Variants in ARL13A observed in about 807,000 individuals in gnomAD.
The protein encoded by ARL13A is ADP-ribosylation factor-like protein 13A.
Under a neutral mutation model 19.1 loss-of-function variants are expected in ARL13A, and 16 were observed. The ratio of observed to expected loss-of-function variants is 0.84; its 90% CI spans 0.57 to 1.27. The LOEUF (loss-of-function observed/expected upper bound fraction) is 1.27. Ranked by LOEUF, ARL13A falls within the 50% of genes most tolerant of loss-of-function variation. The pLI, the probability that ARL13A is intolerant of heterozygous loss-of-function variation, is 0.00. For missense variants in ARL13A, 153 were observed against 186.4 expected (o/e 0.82, Z 1.04); for synonymous variants, 69 against 71.3 (o/e 0.97, Z 0.17).
chrX:100,985,776 A>T lies in ARL13A; in HGVS notation c.240A>T (p.Glu80Asp), dbSNP rs774107351. 3.1e-5 allele frequency: 37 copies of T among 1,209,679 alleles called. No homozygotes were observed. The highest frequency in any genetic ancestry group is 2.3e-4 in the Middle Eastern group (1 of 4,374). ...YDLNGDLKGR[E>D]AWPNYYAQAH... ...TGAATGGAGACCTGAAGGGCCGGGA[A>T]GCATGGCCAAACTACTATGCACAGG... Residue 80 changes from glutamate to aspartate, a missense_variant, in exon 4 of 8, where the codon GAA becomes GAT. Glu to Asp is a conservative substitution (Grantham distance 45). Transcript: ENST00000450049.
chrX:100,988,400 C>A, intron 7 of ARL13A, 117 bp downstream of exon 7: 1 of 1,204,709 alleles, frequency 8.3e-7, no homozygotes, highest in South Asian at 1.8e-5. Flanking sequence ...AGATTATGGT[C>A]TAAAAAGAAT....
At chrX:100,972,279 G>A (rs1316705789) in intron 1 of ARL13A, among the ~76,000 whole-genome samples, 4 of 102,337 alleles carry the variant, frequency 3.9e-5, no homozygotes, top group Admixed American at 2.0e-4. Flanking sequence ...CCGGGCAGAG[G>A]GGCTCCTCAC....
intron 1 of ARL13A, among the ~76,000 whole-genome samples, chrX:100,971,686 C>A (rs2085651486): frequency 1.9e-5 from 1 of 52,719 alleles, no homozygotes. Flanking sequence ...ATAATTTTTT[C>A]ATTTATGAGT....
chrX:100,985,728 G>A lies in ARL13A; in HGVS notation c.192G>A (p.Glu64=), dbSNP rs1322678792. 2 of 1,210,831 alleles carry A rather than the reference G, an allele frequency of 1.7e-6. No individual in the cohort carries two copies. The highest frequency in any genetic ancestry group is 2.2e-6 in the Non-Finnish European group (2 of 894,836). ...KSELTTLLLD[E]YELSIYDLNG... ...AACTGACTACACTTTTGTTAGATGA[G>A]TATGAACTTTCCATCTATGACCTGA... is the stretch of plus-strand genomic sequence containing the variant. Residue 64 remains glutamate (E), a synonymous_variant, in exon 4 of 8, where the codon GAG becomes GAA. Coordinates refer to ENST00000450049, the MANE Select transcript of ARL13A (RefSeq NM_001162491.2).
intron 3 of ARL13A, among the ~76,000 whole-genome samples, chrX:100,981,450 G>A (rs2085853084): frequency 9.1e-6 from 1 of 110,170 alleles, no homozygotes; most frequent in Admixed American, 9.7e-5. Flanking sequence ...TGAGGAAAGG[G>A]TGGTGCTGGT....
chrX:100,973,768 C>T lies in ARL13A; in HGVS notation c.59+20C>T. ...ACGAAGGTAATATTACAATTATTTC[C>T]CTAGGCCTATTCCACTATTTCCTCC... is the stretch of plus-strand genomic sequence containing the variant. On this transcript the variant is annotated intron_variant, in intron 2 of 7. Transcript: ENST00000450049. 8.3e-7 allele frequency: 1 copy of T among 1,198,479 alleles called. No homozygotes were observed. Among genetic ancestry groups the T allele is most frequent in the African/African-American group, 1.7e-5 (1 of 57,595 alleles).
intron 7 of ARL13A, among the ~76,000 whole-genome samples, chrX:100,989,059 TA>T (rs1167849412): frequency 9.1e-6 from 1 of 109,391 alleles, no homozygotes; most frequent in East Asian, 2.9e-4. Context: ...AATGGCTAAA[TA>T]AATTAGGATG....
At chrX:100,986,451 A>C (rs748652411) in intron 4 of ARL13A, among the ~76,000 whole-genome samples, 52 of 111,877 alleles carry the variant, frequency 4.6e-4, no homozygotes, top group Non-Finnish European at 8.5e-4. Context: ...CCCCAACTAG[A>C]GCATGAACAG....
At chrX:100,988,838 A>G (rs1464025860) in intron 7 of ARL13A, among the ~76,000 whole-genome samples, 1 of 70,446 alleles carries the variant, frequency 1.4e-5, no homozygotes, top group Non-Finnish European at 2.5e-5. Context: ...TATATATATG[A>G]GATAATATAT....
rs1254406163 is a variant in ARL13A at position 100,985,657 on chromosome X, C to T, written c.131-10C>T. On this transcript the variant is annotated splice_polypyrimidine_tract_variant and intron_variant, in intron 3 of 7. Coordinates refer to ENST00000450049, the MANE Select transcript of ARL13A (RefSeq NM_001162491.2). ...AAGTGATTGCTTCTCCTCTTTTCCC[C>T]TATGCACAGTACTTCCCAGTAAGAC... 1 of 1,201,914 alleles carries T rather than the reference C, an allele frequency of 8.3e-7. No individual in the cohort carries two copies. The highest frequency in any genetic ancestry group is 3.0e-5 in the East Asian group (1 of 33,713).
chrX:100,988,662 A>G (rs756147794), intron 7 of ARL13A: 3 of 621,654 alleles, frequency 4.8e-6, no homozygotes, highest in Admixed American at 1.3e-4. Context: ...TCCTCACTCT[A>G]TGGTTGGTGA....
At chrX:100,990,110 G>C (rs1198674560) in intron 7 of ARL13A, among the ~76,000 whole-genome samples, 1 of 112,276 alleles carries the variant, frequency 8.9e-6, no homozygotes, top group African/African-American at 3.2e-5. Context: ...AGAAGCCTTT[G>C]GTTCCTATAG....
intron 3 of ARL13A, among the ~76,000 whole-genome samples, chrX:100,974,500 G>A (rs766896665): frequency 3.6e-5 from 4 of 110,781 alleles, no homozygotes; most frequent in African/African-American, 9.9e-5. Flanking sequence ...GTCAGTAGGC[G>A]TGAGTTCAAA....
intron 1 of ARL13A, among the ~76,000 whole-genome samples, chrX:100,970,443 C>T (rs148883165): frequency 0.053 from 6,002 of 112,282 alleles, 427 homozygotes; most frequent in African/African-American, 0.19. Context: ...GGCACATAAA[C>T]TGTGCTCATC....
At chrX:100,971,668 G>T (rs1326449814) in intron 1 of ARL13A, among the ~76,000 whole-genome samples, 1 of 71,724 alleles carries the variant, frequency 1.4e-5, no homozygotes, top group Non-Finnish European at 2.5e-5. Flanking sequence ...CTCAAAAATG[G>T]TCAGGAGATA....
At chrX:100,990,337 G>C in intron 7 of ARL13A, 1 of 916,690 alleles carries the variant, frequency 1.1e-6, no homozygotes, top group Non-Finnish European at 1.3e-6. Context: ...TTTCAACAGA[G>C]AAAGTAAAAG....
rs1381394992 is a variant in ARL13A, at chrX:100,990,609, T to C, written c.*21T>C. On this transcript the variant is annotated 3_prime_UTR_variant, in exon 8 of 8. Transcript: ENST00000450049. The stretch of plus-strand genomic sequence containing the variant: ...ACTGAGAGGCTCAAGAAGAGTGAGA[T>C]GGCATCCATTGAGAATGAAGACCAC... 7.0e-6 allele frequency: 8 copies of C among 1,146,051 alleles called. No individual in the cohort carries two copies. The highest frequency in any genetic ancestry group is 9.4e-6 in the Non-Finnish European group (8 of 854,220). The allele number at this position is 1,146,051 out of a possible 1,213,427, so 94.4% of individuals were successfully genotyped here.
intron 5 of ARL13A, 115 bp downstream of exon 5, chrX:100,987,016 GC>G: frequency 2.2e-6 from 1 of 453,430 alleles, no homozygotes; most frequent in Non-Finnish European, 3.7e-6. Context: ...TCCCTGTCAG[GC>G]AACACCCACA....
chrX:100,979,620 T>C (rs908017261), intron 3 of ARL13A, among the ~76,000 whole-genome samples: 11 of 111,822 alleles, frequency 9.8e-5, no homozygotes, highest in Non-Finnish European at 2.1e-4. Flanking sequence ...ATTATTTAGC[T>C]CTTTTAGTGA....
Sources: gnomAD v4.1 joint callset for allele counts (sites outside exome capture counted in the v4.1 genomes callset) on GRCh38, gnomAD v4.1.1 for gene constraint, MANE v1.5 for transcripts, NCBI Gene and HGNC (gene_info 2026-07-23, HGNC 2026-07-21) for gene names.